ACBD3: variants seen among roughly 807,000 people sequenced by gnomAD.
ACBD3 encodes the protein Golgi resident protein GCP60.
Under a neutral mutation model 66.9 loss-of-function variants are expected in ACBD3, and 30 were observed. The ratio of observed to expected loss-of-function variants is 0.45; its 90% CI spans 0.34 to 0.61. ACBD3 has a LOEUF of 0.61. ACBD3 is among the 20% of genes least tolerant of loss of function. The probability of loss-of-function intolerance (pLI) is 0.02; values close to 1 mark genes in which losing one functional copy is unlikely to be tolerated. For missense variants in ACBD3, 544 were observed against 664.5 expected, an observed-to-expected ratio of 0.82 and a Z score of 1.99; for synonymous variants, 278 against 259.8, an observed-to-expected ratio of 1.07 and a Z score of -0.68.
intron 1 of ACBD3, among the ~76,000 whole-genome samples, chr1:226,173,891 G>A (rs1655943707): frequency 6.7e-6 from 1 of 150,244 alleles, no homozygotes. Context: ...CTCCCCAGTA[G>A]CTGGGATTAC....
chr1:226,161,711 T>A (rs770619173), intron 3 of ACBD3, 22 bp from the exon 4 acceptor site: 2 of 1,557,682 alleles, frequency 1.3e-6, no homozygotes, highest in Non-Finnish European at 1.7e-6. Context: ...AGATAGAGAA[T>A]GAACCCTATA....
At chr1:226,180,709 C>T (rs1290107597) in intron 1 of ACBD3, among the ~76,000 whole-genome samples, 1 of 152,120 alleles carries the variant, frequency 6.6e-6, no homozygotes, top group African/African-American at 2.4e-5. Flanking sequence ...ACATTAAAAA[C>T]ATATACACAC....
chr1:226,182,227 TA>T (rs576452132), intron 1 of ACBD3, among the ~76,000 whole-genome samples: 261 of 140,860 alleles, frequency 1.9e-3, no homozygotes, highest in Middle Eastern at 7.1e-3. Flanking sequence ...CCAGACTGTC[TA>T]AAAAAAAAAA....
intron 7 of ACBD3, among the ~76,000 whole-genome samples, chr1:226,147,532 T>C (rs1445120533): frequency 6.6e-6 from 1 of 152,194 alleles, no homozygotes; most frequent in Admixed American, 6.5e-5. Context: ...TCATCCTCCT[T>C]CTGACCAATA....
chr1:226,160,248 C>T (rs372050511), intron 4 of ACBD3, among the ~76,000 whole-genome samples: 4 of 152,062 alleles, frequency 2.6e-5, no homozygotes, highest in Non-Finnish European at 5.9e-5. Context: ...CCTGCTACCA[C>T]GCCTGGCTAA....
chr1:226,168,787 A>G (rs1165490504), intron 1 of ACBD3, among the ~76,000 whole-genome samples: 1 of 142,782 alleles, frequency 7.0e-6, no homozygotes, highest in Non-Finnish European at 1.5e-5. Flanking sequence ...CTTGATAAGG[A>G]TATTAATCAC....
intron 1 of ACBD3, among the ~76,000 whole-genome samples, chr1:226,182,148 T>C (rs1394124092): frequency 6.6e-6 from 1 of 151,968 alleles, no homozygotes; most frequent in Non-Finnish European, 1.5e-5. Flanking sequence ...GGAGGATGGC[T>C]TGAGCCTGGG....
Position 226,182,004 on chromosome 1 carries a change from G to C in ACBD3, c.286+4386C>G, listed in dbSNP as rs183516147. Among the ~76,000 whole-genome samples the C allele has an allele frequency of 4.6e-5, 7 of 152,244 alleles. No homozygotes were observed. In the East Asian group the frequency reaches 1.2e-3, roughly 25 times the overall value. ...CCAGCACTTTGAGAGGCCAAGGCGG[G>C]TGAATCGCTTGAGCTCAGGAGCTAA... is the stretch of plus-strand genomic sequence containing the variant. On this transcript the variant is annotated intron_variant, in intron 1 of 7. Coordinates refer to ENST00000366812, the MANE Select transcript of ACBD3 (RefSeq NM_022735.4).
At chr1:226,152,135 A>C (rs1263725477) in intron 7 of ACBD3, among the ~76,000 whole-genome samples, 200 bp downstream of exon 7, 1 of 152,244 alleles carries the variant, frequency 6.6e-6, no homozygotes, top group African/African-American at 2.4e-5. Flanking sequence ...TGGCATTCAG[A>C]AAAATTCAGG....
chr1:226,157,744 G>A (rs1344911507), intron 5 of ACBD3, among the ~76,000 whole-genome samples: 1 of 151,958 alleles, frequency 6.6e-6, no homozygotes, highest in Admixed American at 6.6e-5. Context: ...GTCTCCCTAT[G>A]TTGCCCAGGC....
chr1:226,180,434 G>T (rs141100605), intron 1 of ACBD3, among the ~76,000 whole-genome samples: 1 of 152,074 alleles, frequency 6.6e-6, no homozygotes, highest in African/African-American at 2.4e-5. Context: ...AACCCTTTGA[G>T]TACAGGAAAG....
Position 226,154,476 on chromosome 1 carries a change from T to C in ACBD3, c.1090+171A>G, listed in dbSNP as rs1000828870. On this transcript the variant is annotated intron_variant, in intron 6 of 7. Transcript: ENST00000366812. ...AGACATCTGATTTGCTCTTCTACAC[T>C]GGTCTATGAGTCACCAGAGCATTAG... 4 of 629,910 alleles carry C rather than the reference T, an allele frequency of 6.4e-6. No individual in the cohort carries two copies. The African/African-American group carries it at 7.4e-5, about 12-fold the overall frequency. The allele number at this position is 629,910 out of a possible 1,614,324, so 39.0% of individuals were successfully genotyped here. A position where few individuals can be genotyped will look rare whatever the true frequency, so the allele number is the denominator to read the frequency against.
At chr1:226,173,209 T>A (rs1388931837) in intron 1 of ACBD3, among the ~76,000 whole-genome samples, 1 of 152,178 alleles carries the variant, frequency 6.6e-6, no homozygotes, top group African/African-American at 2.4e-5. Flanking sequence ...GCATTGAGAC[T>A]GTGGTGAGCC....
chr1:226,158,836 C>T (rs575916860), intron 5 of ACBD3, among the ~76,000 whole-genome samples: 31 of 152,340 alleles, frequency 2.0e-4, no homozygotes, highest in African/African-American at 7.2e-4. Flanking sequence ...AAGCCTCTGA[C>T]AATGCACTGC....
intron 6 of ACBD3, among the ~76,000 whole-genome samples, chr1:226,152,947 T>C (rs1659605968): frequency 1.3e-5 from 2 of 152,196 alleles, no homozygotes; most frequent in Non-Finnish European, 2.9e-5. Context: ...GTGAGGGAAA[T>C]ATTCTAGCAA....
Position 226,146,781 on chromosome 1 carries a change from G to C in ACBD3, c.1416C>G (p.Asn472Lys). The C allele has an allele frequency of 6.2e-7, 1 of 1,614,136 alleles. No homozygotes were observed. The highest frequency in any genetic ancestry group is 8.5e-7 in the Non-Finnish European group (1 of 1,180,042). Residue 472 changes from asparagine to lysine, a missense_variant, in exon 8 of 8, where the codon AAC (asparagine) becomes AAG (lysine). Physicochemically the swap from Asn to Lys is moderately conservative, Grantham distance 94 (BLOSUM62 0). This residue lies in a region of ACBD3 where 383 missense variants were observed against 462.4 expected (regional missense o/e 0.83). Coordinates refer to ENST00000366812, the MANE Select transcript of ACBD3 (RefSeq NM_022735.4). The stretch of plus-strand genomic sequence containing the variant: ...GCACAATCTCATCCAGCAAAGGCTT[G>C]TTGGCATTCTTTTTGGCTTTCTCTT... ...GCEEKAKKNA[N>K]KPLLDEIVPV...
intron 1 of ACBD3, among the ~76,000 whole-genome samples, chr1:226,178,574 C>CAAAAAAAAA (rs57231361): frequency 0.26 from 21,443 of 82,298 alleles, 3,725 homozygotes; most frequent in Non-Finnish European, 0.33. Context: ...GACTCCGTCT[C>CAAAAAAAAA]AAAAAAAAAA....
At chr1:226,154,155 T>G (rs1659626691) in intron 6 of ACBD3, among the ~76,000 whole-genome samples, 1 of 152,200 alleles carries the variant, frequency 6.6e-6, no homozygotes, top group South Asian at 2.1e-4. Flanking sequence ...CCACTGAAGC[T>G]GTACAAGATA....
At chr1:226,177,146 A>G (rs1656055566) in intron 1 of ACBD3, among the ~76,000 whole-genome samples, 1 of 150,840 alleles carries the variant, frequency 6.6e-6, no homozygotes, top group Admixed American at 6.7e-5. Flanking sequence ...CGGCAGAGGA[A>G]CAAATTCCCA....
Sources: gnomAD v4.1 joint callset for allele counts (sites outside exome capture counted in the v4.1 genomes callset) on GRCh38, gnomAD v4.1.1 for gene constraint, gnomAD v4.1.1 regional missense constraint, MANE v1.5 for transcripts, NCBI Gene and HGNC (gene_info 2026-07-23, HGNC 2026-07-21) for gene names.